The following IGF2BP3 variants were observed in gnomAD, a reference collection of about 807,000 sequenced individuals.
The protein encoded by IGF2BP3 is insulin-like growth factor 2 mRNA-binding protein 3.
Under a neutral mutation model 73.8 loss-of-function variants are expected in IGF2BP3, and 9 were observed. That is an observed-to-expected ratio of 0.12 (90% CI 0.07 to 0.21). IGF2BP3 has a LOEUF of 0.21. Ranked by LOEUF, IGF2BP3 falls within the 10% of genes least tolerant of loss-of-function variation. The probability of loss-of-function intolerance (pLI) is 1.00; values close to 1 mark genes in which losing one functional copy is unlikely to be tolerated. For synonymous variants in IGF2BP3, 258 were observed against 256.7 expected (o/e 1.01, Z -0.05); for missense variants, 542 against 714.0 (o/e 0.76, Z 2.75).
intron 5 of IGF2BP3, among the ~76,000 whole-genome samples, chr7:23,352,278 A>ATTTTTTTT (rs70966011): frequency 1.4e-5 from 1 of 73,772 alleles, no homozygotes; most frequent in Non-Finnish European, 2.5e-5. Flanking sequence ...TCTCTTTTTC[A>ATTTTTTTT]TTTTTTTTTT....
In IGF2BP3 at chr7:23,323,345, G is replaced by A. The variant is rs557210349; in HGVS notation, c.1204-4091C>T. ...AGAAGGCCATTACATAATGGTAAAGGGATCAATTCAACAAGAAGAGCTAAC... is the reference window on the plus strand; with the variant it reads ...AGAAGGCCATTACATAATGGTAAAGAGATCAATTCAACAAGAAGAGCTAAC... On this transcript the variant is annotated intron_variant, in intron 10 of 14. Transcript: ENST00000258729. Among the ~76,000 whole-genome samples the A allele has an allele frequency of 7.4e-4, 107 of 144,776 alleles. 1 individual carries two copies. The highest frequency in any genetic ancestry group is 7.1e-3 in the East Asian group (36 of 5,100). The allele number at this position is 144,776 out of a possible 152,430, so 95.0% of individuals were successfully genotyped here. A position where few individuals can be genotyped will look rare whatever the true frequency, so the allele number is the denominator to read the frequency against.
intron 13 of IGF2BP3, 74 bp from the exon 14 acceptor site, chr7:23,312,922 A>C (rs1455826191): frequency 3.5e-6 from 3 of 861,464 alleles, no homozygotes; most frequent in Middle Eastern, 4.5e-4. Context: ...ACTGTGCGCC[A>C]GACAGTGAGC....
chr7:23,346,357 C>T (rs981063072), intron 7 of IGF2BP3, among the ~76,000 whole-genome samples: 2 of 152,146 alleles, frequency 1.3e-5, no homozygotes, highest in African/African-American at 4.8e-5. Context: ...ACTACCAGAA[C>T]ACAACGTACA....
intron 6 of IGF2BP3, among the ~76,000 whole-genome samples, chr7:23,349,102 T>C (rs1784899761): frequency 6.6e-6 from 1 of 152,230 alleles, no homozygotes; most frequent in Non-Finnish European, 1.5e-5. Context: ...ATTTATATGT[T>C]TTGAATTAAA....
intron 2 of IGF2BP3, among the ~76,000 whole-genome samples, chr7:23,465,875 G>T (rs551586475): frequency 1.3e-5 from 2 of 152,104 alleles, no homozygotes; most frequent in African/African-American, 4.8e-5. Flanking sequence ...TCCCTTAGGT[G>T]CTGGGCATGT....
At chr7:23,385,600 C>T (rs1786057498) in intron 3 of IGF2BP3, among the ~76,000 whole-genome samples, 1 of 151,602 alleles carries the variant, frequency 6.6e-6, no homozygotes, top group African/African-American at 2.4e-5. Context: ...GTTTCTTCAA[C>T]CAATGGGGTA....
intron 6 of IGF2BP3, 86 bp downstream of exon 6, chr7:23,351,219 G>T: frequency 6.8e-7 from 1 of 1,472,826 alleles, no homozygotes; most frequent in East Asian, 2.3e-5. Flanking sequence ...GTGTTCAGAA[G>T]GGCACCAAGT....
chr7:23,429,618 T>G (rs1011700299), intron 2 of IGF2BP3, among the ~76,000 whole-genome samples: 1 of 152,180 alleles, frequency 6.6e-6, no homozygotes, highest in Admixed American at 6.5e-5. Context: ...ATATTTTCCC[T>G]TTACACCTTA....
chr7:23,395,792 G>GGC (rs1466891441), intron 3 of IGF2BP3, among the ~76,000 whole-genome samples: 1 of 151,962 alleles, frequency 6.6e-6, no homozygotes, highest in Admixed American at 6.6e-5. Flanking sequence ...TGGGCGTGGT[G>GGC]ACAGGTGCCT....
intron 10 of IGF2BP3, among the ~76,000 whole-genome samples, chr7:23,340,306 T>C (rs1430238198): frequency 6.6e-6 from 1 of 152,040 alleles, no homozygotes; most frequent in African/African-American, 2.4e-5. Context: ...GGCAGGTGAA[T>C]TGCAGGGGAG....
chr7:23,363,277 C>T (rs1740235461), intron 3 of IGF2BP3, among the ~76,000 whole-genome samples: 1 of 151,958 alleles, frequency 6.6e-6, no homozygotes, highest in South Asian at 2.1e-4. Flanking sequence ...GGGACAGGGT[C>T]TCACTGTCAC....
chr7:23,344,700 A>G (rs562427053), intron 8 of IGF2BP3, among the ~76,000 whole-genome samples: 2 of 152,370 alleles, frequency 1.3e-5, no homozygotes, highest in African/African-American at 4.8e-5. Context: ...AATCTCCTTC[A>G]TCTTCCTGAA....
At position 23,414,532 on chromosome 7, in the gene IGF2BP3, T is replaced by C. The variant is rs1313836754; in HGVS notation, c.285+4244A>G. On this transcript the variant is annotated intron_variant, in intron 3 of 14. Transcript: ENST00000258729. ...GACTCCTAGAATTGGGGCAGGAGAT[T>C]GTCTTACTTCAAGGTTAGAGGTTTG... 3 of 152,190 alleles carry C rather than the reference T, an allele frequency of 2.0e-5. No individual in the cohort carries two copies. The South Asian group carries it at 6.2e-4, about 31-fold the overall frequency. 9.4% of individuals were successfully genotyped at this position (152,190 alleles called of 1,614,324 possible).
At chr7:23,460,285 T>G (rs1788418774) in intron 2 of IGF2BP3, among the ~76,000 whole-genome samples, 2 of 151,488 alleles carry the variant, frequency 1.3e-5, no homozygotes, top group Admixed American at 1.3e-4. Context: ...CCCAGCACTT[T>G]GGGAGGCTGA....
At chr7:23,424,063 A>G (rs988322523) in intron 2 of IGF2BP3, among the ~76,000 whole-genome samples, 3 of 152,168 alleles carry the variant, frequency 2.0e-5, no homozygotes, top group African/African-American at 7.2e-5. Flanking sequence ...GGTTGCAGTT[A>G]GCCAAGACTG....
At chr7:23,346,831 T>G (rs1002777069) in intron 7 of IGF2BP3, among the ~76,000 whole-genome samples, 13 of 152,118 alleles carry the variant, frequency 8.5e-5, no homozygotes, top group Non-Finnish European at 1.3e-4. Context: ...GACCTCATGA[T>G]CCACCCGCCT....
chr7:23,422,338 G>T (rs1787374133), intron 2 of IGF2BP3, among the ~76,000 whole-genome samples: 1 of 152,132 alleles, frequency 6.6e-6, no homozygotes, highest in African/African-American at 2.4e-5. Flanking sequence ...ATACACAGTG[G>T]CTCATGCCTG....
intron 3 of IGF2BP3, chr7:23,415,427 C>T (rs1038879148): frequency 1.0e-5 from 2 of 199,550 alleles, no homozygotes; most frequent in African/African-American, 4.9e-5. Flanking sequence ...CCCCCTCCGT[C>T]AGCCGGCATC....
At chr7:23,356,685 G>T (rs1311391030) in intron 5 of IGF2BP3, among the ~76,000 whole-genome samples, 1 of 152,154 alleles carries the variant, frequency 6.6e-6, no homozygotes, top group Non-Finnish European at 1.5e-5. Flanking sequence ...TTATTGAAAA[G>T]TCATAAATTC....
Sources: gnomAD v4.1 joint callset for allele counts (sites outside exome capture counted in the v4.1 genomes callset) on GRCh38, gnomAD v4.1.1 for gene constraint, MANE v1.5 for transcripts, NCBI Gene and HGNC (gene_info 2026-07-23, HGNC 2026-07-21) for gene names.